Variants in PHKB observed in about 807,000 individuals in gnomAD.
PHKB encodes phosphorylase b kinase regulatory subunit beta.
PHKB carries 122 observed loss-of-function variants against 152.1 expected under a neutral mutation model. That is an observed-to-expected ratio of 0.80 (90% CI 0.69 to 0.93). PHKB has a LOEUF of 0.93. Among genes scored for constraint, PHKB ranks in the 40% least tolerant of loss-of-function variants. PHKB has a pLI of 0.00. For missense variants in PHKB, 1,304 were observed against 1,328.4 expected (o/e 0.98, Z 0.29); for synonymous variants, 436 against 464.9 (o/e 0.94, Z 0.80).
At chr16:47,463,691 T>G in intron 1 of PHKB, 1 of 527,136 alleles carries the variant, frequency 1.9e-6, no homozygotes, top group East Asian at 3.4e-5. Context: ...ATTATATAGT[T>G]TCTATCTCAT....
chr16:47,596,616 G>A, intron 13 of PHKB, 85 bp downstream of exon 13: 1 of 1,311,184 alleles, frequency 7.6e-7, no homozygotes, highest in Non-Finnish European at 1.1e-6. Context: ...TGTTTATGTT[G>A]GATTTGGGTG....
At chr16:47,632,528 G>A (rs796596034) in intron 14 of PHKB, among the ~76,000 whole-genome samples, 2 of 152,192 alleles carry the variant, frequency 1.3e-5, no homozygotes, top group South Asian at 4.1e-4. Flanking sequence ...TGCATTTGCT[G>A]TTGTAGGCAT....
At chr16:47,481,826 T>TCA (rs1374048900) in intron 1 of PHKB, among the ~76,000 whole-genome samples, 1 of 152,216 alleles carries the variant, frequency 6.6e-6, no homozygotes, top group Non-Finnish European at 1.5e-5. Context: ...TACAAAGTGA[T>TCA]ACAGCTGTGA....
At chr16:47,651,541 A>T (rs1973237815) in intron 20 of PHKB, among the ~76,000 whole-genome samples, 1 of 152,336 alleles carries the variant, frequency 6.6e-6, no homozygotes, top group Non-Finnish European at 1.5e-5. Flanking sequence ...CTTTAAGGGC[A>T]GCTCTACAAA....
At chr16:47,554,849 A>G (rs965657545) in intron 7 of PHKB, among the ~76,000 whole-genome samples, 4 of 151,970 alleles carry the variant, frequency 2.6e-5, no homozygotes, top group African/African-American at 9.7e-5. Context: ...GGCTGCACCC[A>G]CTATCTAACC....
rs551911592 is a variant in PHKB at position 47,514,417 on chromosome 16, G to A, written c.514-1104G>A. 5.9e-5 allele frequency among the ~76,000 whole-genome samples: 9 copies of A among 152,306 alleles called. No homozygotes were observed. The South Asian group carries it at 6.2e-4, about 11-fold the overall frequency. On this transcript the variant is annotated intron_variant, in intron 5 of 30. Coordinates refer to ENST00000323584, the MANE Select transcript of PHKB (RefSeq NM_000293.3). Reference sequence around the variant, plus strand: ...GAGGATGAAGGCCCAAAAGCCCAGCGAGCCACTGATGGAAGCCCTGGAACC... The same window carrying A: ...GAGGATGAAGGCCCAAAAGCCCAGCAAGCCACTGATGGAAGCCCTGGAACC...
chr16:47,539,903 A>T (rs568976039), intron 6 of PHKB, among the ~76,000 whole-genome samples: 1 of 152,312 alleles, frequency 6.6e-6, no homozygotes, highest in East Asian at 1.9e-4. Flanking sequence ...TGTTTGAACA[A>T]TGTGAAATCA....
chr16:47,666,782 A>G (rs549606257), intron 25 of PHKB, among the ~76,000 whole-genome samples: 27 of 152,334 alleles, frequency 1.8e-4, no homozygotes, highest in Middle Eastern at 3.4e-3. Context: ...TGAGCCTTGC[A>G]TGTGGGGTGT....
chr16:47,673,764 G>A (rs570455723), intron 26 of PHKB, among the ~76,000 whole-genome samples: 2 of 152,214 alleles, frequency 1.3e-5, no homozygotes, highest in East Asian at 1.9e-4. Context: ...TCTGTTATAT[G>A]CTAAGCAATG....
chr16:47,461,412 G>T lies in PHKB; in HGVS notation c.62G>T (p.Arg21Leu), dbSNP rs765238295. Residue 21 changes from arginine (R) to leucine (L), a missense_variant, in exon 1 of 31, where the codon CGG becomes CTG. Arg to Leu is a moderately radical substitution (Grantham distance 102). Transcript: ENST00000323584. ...VSWKVLERRA[R>L]TKRSGSVYEP... ...TGGAAGGTCTTGGAGCGAAGAGCTC[G>T]GACCAAGCGCTCAGGTTTGGCTGGC... 1 of 1,613,284 alleles carries T rather than the reference G, an allele frequency of 6.2e-7. No homozygotes were observed. The highest frequency in any genetic ancestry group is 2.2e-5 in the East Asian group (1 of 44,856).
At chr16:47,645,785 A>G (rs1973108102) in intron 16 of PHKB, among the ~76,000 whole-genome samples, 1 of 146,360 alleles carries the variant, frequency 6.8e-6, no homozygotes, top group Non-Finnish European at 1.5e-5. Context: ...AGAAATGCTC[A>G]TCATCACTGG....
intron 6 of PHKB, among the ~76,000 whole-genome samples, chr16:47,546,496 C>T (rs1166729861): frequency 7.9e-5 from 12 of 152,080 alleles, no homozygotes; most frequent in African/African-American, 1.9e-4. Flanking sequence ...CAGAGGGGCA[C>T]CCAGCTGTAT....
intron 26 of PHKB, among the ~76,000 whole-genome samples, chr16:47,685,224 A>G (rs901390860): frequency 1.3e-5 from 2 of 152,204 alleles, no homozygotes; most frequent in African/African-American, 4.8e-5. Context: ...TAGGAGTTCA[A>G]GACCAGCCTG....
At chr16:47,668,362 T>C (rs1973575758) in intron 25 of PHKB, among the ~76,000 whole-genome samples, 1 of 152,170 alleles carries the variant, frequency 6.6e-6, no homozygotes, top group Admixed American at 6.5e-5. Context: ...GGCAATAGAC[T>C]CCATGTTCTG....
chr16:47,505,557 CA>C (rs1970401633), intron 4 of PHKB: 1 of 152,178 alleles, frequency 6.6e-6, no homozygotes, highest in Admixed American at 6.5e-5. Context: ...GGTGAACATA[CA>C]GTAAATATTT....
chr16:47,526,412 A>C (rs1389602079), intron 6 of PHKB, among the ~76,000 whole-genome samples: 1 of 152,118 alleles, frequency 6.6e-6, no homozygotes. Flanking sequence ...TCTTCTAAAA[A>C]AAAAAAAAAA....
rs983798168 is a variant in PHKB at position 47,684,124 on chromosome 16, A to T, written c.2631-4917A>T. On this transcript the variant is annotated intron_variant, in intron 26 of 30. Coordinates refer to ENST00000323584, the MANE Select transcript of PHKB (RefSeq NM_000293.3). The stretch of plus-strand genomic sequence containing the variant: ...CAAGGTGGATGAATCACTTGAGCCC[A>T]GGAGTTTGAGACCAGTTGGGCAACA... 4.0e-5 allele frequency among the ~76,000 whole-genome samples: 6 copies of T among 151,634 alleles called. No homozygotes were observed. The South Asian group carries it at 1.2e-3, about 32-fold the overall frequency.
At chr16:47,465,714 C>A (rs1337060099) in intron 1 of PHKB, among the ~76,000 whole-genome samples, 2 of 152,140 alleles carry the variant, frequency 1.3e-5, no homozygotes, top group African/African-American at 2.4e-5. Flanking sequence ...TGAATGTGGC[C>A]TGTCGTGTTT....
chr16:47,584,800 T>C (rs1286145472), intron 8 of PHKB, among the ~76,000 whole-genome samples: 1 of 152,228 alleles, frequency 6.6e-6, no homozygotes, highest in African/African-American at 2.4e-5. Flanking sequence ...TGACCAGTTG[T>C]ACCTTGTTTT....
Sources: allele counts gnomAD v4.1 joint callset (sites outside exome capture counted in the v4.1 genomes callset), GRCh38; gene constraint gnomAD v4.1.1; transcripts MANE v1.5; gene names NCBI Gene and HGNC (gene_info 2026-07-23, HGNC 2026-07-21).